The following RARB variants were observed in gnomAD, a reference collection of about 807,000 sequenced individuals.
The protein encoded by RARB is HBV-activated protein.
In RARB, 17 loss-of-function variants were observed where a neutral mutation model predicts 51.9. That is an observed-to-expected ratio of 0.33 (90% CI 0.22 to 0.49). The LOEUF is 0.49. Among genes scored for constraint, RARB ranks in the 20% least tolerant of loss-of-function variants. The pLI, the probability that RARB is intolerant of heterozygous loss-of-function variation, is 0.99. For missense variants in RARB, 369 were observed against 550.8 expected (o/e 0.67, Z 3.30); for synonymous variants, 215 against 195.4 (o/e 1.10, Z -0.84).
At chr3:25,279,598 A>G (rs892026455) in intron 5 of RARB, among the ~76,000 whole-genome samples, 1 of 152,030 alleles carries the variant, frequency 6.6e-6, no homozygotes, top group South Asian at 2.1e-4. Context: ...AAAAAGTTAA[A>G]TGTTTTTCTC....
intron 2 of RARB, among the ~76,000 whole-genome samples, chr3:25,016,179 A>G (rs1044906139): frequency 6.6e-6 from 1 of 152,200 alleles, no homozygotes; most frequent in African/African-American, 2.4e-5. Flanking sequence ...ATTATTGTGT[A>G]GCCTGTAGAG....
At chr3:25,240,165 T>C (rs1399791094) in intron 5 of RARB, among the ~76,000 whole-genome samples, 1 of 152,178 alleles carries the variant, frequency 6.6e-6, no homozygotes, top group Admixed American at 6.5e-5. Flanking sequence ...GAAACGCTAC[T>C]GCTTTTTGTA....
chr3:24,834,191 G>A (rs562360588), intron 1 of RARB, among the ~76,000 whole-genome samples: 5 of 152,166 alleles, frequency 3.3e-5, no homozygotes, highest in Non-Finnish European at 5.9e-5. Flanking sequence ...TGGATCCCAC[G>A]CTAAAGCGAC....
chr3:24,938,037 C>T (rs1695581763), intron 2 of RARB, among the ~76,000 whole-genome samples: 1 of 108,068 alleles, frequency 9.3e-6, no homozygotes, highest in Non-Finnish European at 1.9e-5. Context: ...CCCCTATGCA[C>T]ACATGCGCAC....
rs188631888 is a variant in RARB, at chr3:25,594,720, T to C, written c.1150+42T>C. On this transcript the variant is annotated intron_variant, in intron 7 of 7. Transcript: ENST00000330688. Reference sequence around the variant, plus strand: ...TCAGTACTGTAGTCACACAGTGGACTTGAGGGCCTTACCAGGTTGTGTTGC... The same window carrying C: ...TCAGTACTGTAGTCACACAGTGGACCTGAGGGCCTTACCAGGTTGTGTTGC... The C allele has an allele frequency of 1.4e-4, 214 of 1,476,922 alleles. No individual in the cohort carries two copies. The African/African-American group carries it at 2.6e-3, about 18-fold the overall frequency. 91.5% of individuals were successfully genotyped at this position (1,476,922 alleles called of 1,614,324 possible). A position where few individuals can be genotyped will look rare whatever the true frequency, so the allele number is the denominator to read the frequency against.
At chr3:25,184,833 G>A (rs994155651) in intron 5 of RARB, among the ~76,000 whole-genome samples, 6 of 151,848 alleles carry the variant, frequency 4.0e-5, no homozygotes, top group Non-Finnish European at 8.8e-5. Flanking sequence ...TAGAGACCAC[G>A]CTGAGCTGTG....
intron 5 of RARB, among the ~76,000 whole-genome samples, chr3:25,214,714 G>A (rs1701779549): frequency 6.6e-6 from 1 of 152,160 alleles, no homozygotes; most frequent in Non-Finnish European, 1.5e-5. Context: ...GTCCTGTTCT[G>A]AGCCCTCACT....
chr3:24,891,343 G>C (rs142183561), intron 2 of RARB, among the ~76,000 whole-genome samples: 20 of 152,228 alleles, frequency 1.3e-4, no homozygotes, highest in African/African-American at 4.1e-4. Flanking sequence ...TTGGAAGCTT[G>C]TCTGTTCTGC....
chr3:24,843,964 A>G (rs975113949), intron 1 of RARB, among the ~76,000 whole-genome samples: 2 of 151,824 alleles, frequency 1.3e-5, no homozygotes, highest in African/African-American at 4.8e-5. Context: ...ACCTTGGTCA[A>G]TGCATGCTCA....
chr3:25,528,852 C>T (rs1445196439), intron 3 of RARB, among the ~76,000 whole-genome samples: 7 of 144,148 alleles, frequency 4.9e-5, no homozygotes, highest in African/African-American at 1.3e-4. Context: ...CATGAAGACT[C>T]GCCTCCCTAG....
chr3:25,595,917 C>A (rs1407372755), intron 7 of RARB, among the ~76,000 whole-genome samples: 2 of 152,170 alleles, frequency 1.3e-5, no homozygotes, highest in Non-Finnish European at 2.9e-5. Context: ...TTTCCTGAAA[C>A]TAAGACATCA....
At chr3:24,853,886 A>C (rs1285770033) in intron 1 of RARB, among the ~76,000 whole-genome samples, 4 of 152,204 alleles carry the variant, frequency 2.6e-5, no homozygotes, top group African/African-American at 9.7e-5. Flanking sequence ...ACCATCTTAA[A>C]GTGGACAGCT....
chr3:24,861,037 A>G (rs1330438603), intron 2 of RARB, among the ~76,000 whole-genome samples: 1 of 152,206 alleles, frequency 6.6e-6, no homozygotes, highest in Non-Finnish European at 1.5e-5. Context: ...TAAGGGATAC[A>G]TGACTGTCTT....
chr3:24,992,889 A>G (rs1431613164), intron 2 of RARB, among the ~76,000 whole-genome samples: 1 of 152,206 alleles, frequency 6.6e-6, no homozygotes, highest in Non-Finnish European at 1.5e-5. Context: ...GGGGGAACAC[A>G]GTTCAACCAA....
chr3:24,893,835 T>G (rs1429545140), intron 2 of RARB, among the ~76,000 whole-genome samples: 1 of 152,146 alleles, frequency 6.6e-6, no homozygotes, highest in Non-Finnish European at 1.5e-5. Context: ...GTAAAATTGT[T>G]TTTATGGATG....
At chr3:25,280,469 C>A (rs1222625656) in intron 5 of RARB, among the ~76,000 whole-genome samples, 1 of 152,104 alleles carries the variant, frequency 6.6e-6, no homozygotes, top group Non-Finnish European at 1.5e-5. Context: ...AGCTGAAACG[C>A]TGAGTGAAAT....
chr3:25,561,888 C>G (rs1388561551), intron 3 of RARB, among the ~76,000 whole-genome samples: 3 of 152,208 alleles, frequency 2.0e-5, no homozygotes, highest in Non-Finnish European at 2.9e-5. Flanking sequence ...CTGGAACAGT[C>G]TGTTGCTGGG....
chr3:25,122,496 C>T (rs1183531013), intron 3 of RARB, among the ~76,000 whole-genome samples: 2 of 152,048 alleles, frequency 1.3e-5, no homozygotes, highest in African/African-American at 2.4e-5. Context: ...TGCTCTGGGA[C>T]ATTCTTATAT....
At chr3:25,585,278 T>A (rs1261417835) in intron 5 of RARB, among the ~76,000 whole-genome samples, 2 of 152,148 alleles carry the variant, frequency 1.3e-5, no homozygotes, top group Non-Finnish European at 2.9e-5. Context: ...CACTATGCCC[T>A]CAGGGGTCCT....
Sources: gnomAD v4.1 joint callset for allele counts (sites outside exome capture counted in the v4.1 genomes callset) on GRCh38, gnomAD v4.1.1 for gene constraint, MANE v1.5 for transcripts, NCBI Gene and HGNC (gene_info 2026-07-23, HGNC 2026-07-21) for gene names.